Variants in CHRDL1 observed in about 807,000 individuals in gnomAD.
CHRDL1 encodes the protein chordin-like protein 1.
Under a neutral mutation model 40.9 loss-of-function variants are expected in CHRDL1, and 19 were observed. The observed-to-expected ratio is 0.46, with a 90% CI of 0.32 to 0.68. CHRDL1 has a LOEUF of 0.68. CHRDL1 is among the 30% of genes least tolerant of loss of function. CHRDL1 has a pLI of 0.03. For missense variants in CHRDL1, 329 were observed against 352.1 expected, an observed-to-expected ratio of 0.93 and a Z score of 0.53; for synonymous variants, 136 against 123.4, an observed-to-expected ratio of 1.10 and a Z score of -0.68.
rs139854795 is a variant in CHRDL1, at chrX:110,758,930, G to T, written c.301+731C>A. ...ACTTCACAAAGCCCAAGAGTGTCAA[G>T]TAGCTTTTTCTAGGATTGCCACTGG... On this transcript the variant is annotated intron_variant, in intron 4 of 11. Transcript: ENST00000372042. Among the ~76,000 whole-genome samples, 4 of 111,895 alleles carry T rather than the reference G, an allele frequency of 3.6e-5. No individual in the cohort carries two copies. In the East Asian group the frequency reaches 1.1e-3, roughly 32 times the overall value.
At chrX:110,772,791 T>C (rs933195516) in intron 2 of CHRDL1, among the ~76,000 whole-genome samples, 1 of 112,859 alleles carries the variant, frequency 8.9e-6, no homozygotes. Context: ...GGGAATTCAA[T>C]GGAAAAGGGA....
intron 3 of CHRDL1, among the ~76,000 whole-genome samples, chrX:110,760,005 T>C (rs188189848): frequency 1.9e-4 from 21 of 112,099 alleles, no homozygotes; most frequent in Admixed American, 1.6e-3. Flanking sequence ...TTCCCATTAA[T>C]TGTGGGAGGC....
chrX:110,762,794 A>G lies in CHRDL1; in HGVS notation c.108T>C (p.Tyr36=), dbSNP rs1467853253. The change falls in exon 3 of 12, where the codon TAT becomes TAC. Residue 36 remains tyrosine (Y), a synonymous_variant. Transcript: ENST00000372042. ...KTEQVKHSET[Y]CMFQDKKYRV... ...TGTACTTCTTGTCTTGAAACATGCA[A>G]TATGTCTCTGAATCTGTGAAGAAGG... 4.5e-6 allele frequency: 5 copies of G among 1,114,524 alleles called. No homozygotes were observed. Among genetic ancestry groups the G allele is most frequent in the Non-Finnish European group, 6.2e-6 (5 of 809,069 alleles). The allele number at this position is 1,114,524 out of a possible 1,213,427, so 91.8% of individuals were successfully genotyped here. A position where few individuals can be genotyped will look rare whatever the true frequency, so the allele number is the denominator to read the frequency against.
In CHRDL1 at chrX:110,723,400, G is replaced by A. The variant is rs769753601; in HGVS notation, c.302-1870C>T. 8.0e-5 allele frequency among the ~76,000 whole-genome samples: 9 copies of A among 112,022 alleles called. No individual in the cohort carries two copies. The East Asian group carries it at 1.4e-3, about 17-fold the overall frequency. On this transcript the variant is annotated intron_variant, in intron 4 of 11. Transcript: ENST00000372042. Reference sequence around the variant, plus strand: ...ATACCATTTATCAAGCCCTAGCTATGTGCCAGGCAGGAATGAGTGCTTTTA... The same window carrying A: ...ATACCATTTATCAAGCCCTAGCTATATGCCAGGCAGGAATGAGTGCTTTTA...
chrX:110,787,947 A>G (rs893600956), intron 2 of CHRDL1, among the ~76,000 whole-genome samples: 2 of 112,553 alleles, frequency 1.8e-5, no homozygotes, highest in Non-Finnish European at 3.8e-5. Context: ...TCATTACCTA[A>G]GTTAGATCTG....
At chrX:110,692,737 A>C (rs1312056432) in intron 8 of CHRDL1, among the ~76,000 whole-genome samples, 2 of 112,360 alleles carry the variant, frequency 1.8e-5, no homozygotes, top group Non-Finnish European at 3.8e-5. Flanking sequence ...CTTCTACTAC[A>C]TCACCATTTT....
At chrX:110,773,368 T>C (rs1264067137) in intron 2 of CHRDL1, among the ~76,000 whole-genome samples, 1 of 112,082 alleles carries the variant, frequency 8.9e-6, no homozygotes, top group Non-Finnish European at 1.9e-5. Context: ...TTTTAATCTC[T>C]AAATAGTTTG....
Position 110,697,814 on chromosome X carries a change from CCACACACACACACACACACACACA to C in CHRDL1, c.609+2816_609+2839del, listed in dbSNP as rs60454872. ...CTTCCTCCCCACATACCACACCACT[CCACACACACACACACACACACACA>C]CACACACACACACACACACACACAC... On this transcript the variant is annotated intron_variant, in intron 7 of 11. Transcript: ENST00000372042. 7.8e-3 allele frequency among the ~76,000 whole-genome samples: 428 copies of C among 55,129 alleles called. 6 individuals are homozygous for C. The highest frequency in any genetic ancestry group is 0.022 in the African/African-American group (399 of 17,988). 47.9% of individuals were successfully genotyped at this position (55,129 alleles called of 115,157 possible).
In CHRDL1 at chrX:110,689,476, C is replaced by CTA. The variant is rs1463628427; in HGVS notation, c.779-675_779-674dup. Among the ~76,000 whole-genome samples the CTA allele has an allele frequency of 1.2e-4, 6 of 49,739 alleles. 1 individual carries two copies. The African/African-American group carries it at 1.9e-3, about 16-fold the overall frequency. 43.2% of individuals were successfully genotyped at this position (49,739 alleles called of 115,157 possible). A position where few individuals can be genotyped will look rare whatever the true frequency, so the allele number is the denominator to read the frequency against. On this transcript the variant is annotated intron_variant, in intron 8 of 11. Coordinates refer to ENST00000372042, the MANE Select transcript of CHRDL1 (RefSeq NM_001143981.2). ...TATATATCTATATATATCTATATAT[C>CTA]TATATATCTATATCTCTATATATCT...
chrX:110,735,439 C>T (rs1323096571), intron 4 of CHRDL1, among the ~76,000 whole-genome samples: 1 of 111,802 alleles, frequency 8.9e-6, no homozygotes, highest in African/African-American at 3.3e-5. Context: ...AAGCACTGCC[C>T]TGCACCACAT....
chrX:110,693,632 G>T (rs1457967234), intron 8 of CHRDL1, among the ~76,000 whole-genome samples: 2 of 111,558 alleles, frequency 1.8e-5, no homozygotes, highest in Non-Finnish European at 3.8e-5. Flanking sequence ...TGTGAGGCAT[G>T]AGCCACTGCA....
At chrX:110,764,023 A>C (rs954749943) in intron 2 of CHRDL1, among the ~76,000 whole-genome samples, 1 of 111,225 alleles carries the variant, frequency 9.0e-6, no homozygotes, top group Non-Finnish European at 1.9e-5. Flanking sequence ...ATTTTTTCAT[A>C]TGTTTGTTGG....
intron 6 of CHRDL1, among the ~76,000 whole-genome samples, chrX:110,705,304 T>TATATATATATATATACACAC (rs1491498596): frequency 1.3e-5 from 1 of 77,619 alleles, no homozygotes; most frequent in African/African-American, 5.7e-5. Context: ...TATATATATA[T>TATATATATATATATACACAC]ACACACACAC....
At position 110,759,682 on chromosome X, in the gene CHRDL1, G is replaced by A. The variant is rs1376782622; in HGVS notation, c.280C>T (p.Leu94=). Residue 94 remains leucine (L), a synonymous_variant, in exon 4 of 12, where the codon CTG becomes TTG. Transcript: ENST00000372042. The stretch of plus-strand genomic sequence containing the variant: ...TTACCTGGGCAGCGAGGGCAGCACA[G>A]ATGAGGAATATGCACAGGAGAAAGG... ...HCLSPVHIPH[L]CCPRCPEDSL... is the part of the protein sequence containing the mutation. 2 of 1,199,491 alleles carry A rather than the reference G, an allele frequency of 1.7e-6. No homozygotes were observed. The highest frequency in any genetic ancestry group is 2.3e-6 in the Non-Finnish European group (2 of 885,704).
intron 4 of CHRDL1, among the ~76,000 whole-genome samples, chrX:110,757,568 C>CT (rs996627978): frequency 2.7e-5 from 3 of 111,375 alleles, no homozygotes; most frequent in African/African-American, 9.8e-5. Context: ...AATAAATACA[C>CT]TTTTTTGTAT....
intron 6 of CHRDL1, among the ~76,000 whole-genome samples, chrX:110,710,607 C>T (rs1011936299): frequency 9.0e-5 from 10 of 111,565 alleles, no homozygotes; most frequent in South Asian, 3.8e-4. Flanking sequence ...ATATTCTAGA[C>T]GTAAGAAACA....
chrX:110,781,045 C>T (rs1400740713), intron 2 of CHRDL1, among the ~76,000 whole-genome samples: 1 of 110,498 alleles, frequency 9.0e-6, no homozygotes, highest in Non-Finnish European at 1.9e-5. Flanking sequence ...AACTTCTGCT[C>T]CACAACATTC....
chrX:110,733,251 T>A (rs1198558866), intron 4 of CHRDL1, among the ~76,000 whole-genome samples: 3 of 110,534 alleles, frequency 2.7e-5, no homozygotes, highest in Admixed American at 1.9e-4. Flanking sequence ...AAGACTGGAG[T>A]TCCATGTACG....
chrX:110,753,341 T>C (rs777483300), intron 4 of CHRDL1, among the ~76,000 whole-genome samples: 1 of 112,086 alleles, frequency 8.9e-6, no homozygotes, highest in East Asian at 2.8e-4. Flanking sequence ...TTATGTGAAA[T>C]GTCCAGAATA....
Sources: gnomAD v4.1 joint callset for allele counts (sites outside exome capture counted in the v4.1 genomes callset) on GRCh38, gnomAD v4.1.1 for gene constraint, MANE v1.5 for transcripts, NCBI Gene and HGNC (gene_info 2026-07-23, HGNC 2026-07-21) for gene names.